PLCH2: variants seen among roughly 807,000 people sequenced by gnomAD.
The protein encoded by PLCH2 is 1-phosphatidylinositol 4,5-bisphosphate phosphodiesterase eta-2.
PLCH2 carries 98 observed loss-of-function variants against 134.7 expected under a neutral mutation model. That is an observed-to-expected ratio of 0.73 (90% confidence interval 0.62 to 0.86). The LOEUF is 0.86. PLCH2 is among the 40% of genes least tolerant of loss of function. The pLI, the probability that PLCH2 is intolerant of heterozygous loss-of-function variation, is 0.00. For missense variants in PLCH2, 1,994 were observed against 1,986.6 expected, an observed-to-expected ratio of 1.00 and a Z score of -0.07; for synonymous variants, 974 against 827.5, an observed-to-expected ratio of 1.18 and a Z score of -3.04.
the PLCH2 span, among the ~76,000 whole-genome samples, chr1:2,416,412 C>T: frequency 1.3e-5 from 2 of 149,636 alleles, no homozygotes; most frequent in South Asian, 2.1e-4. Flanking sequence ...CTGTAGGGTG[C>T]GGCCCTCGGG....
the PLCH2 span, among the ~76,000 whole-genome samples, chr1:2,420,163 C>A: frequency 6.6e-6 from 1 of 152,094 alleles, no homozygotes; most frequent in African/African-American, 2.4e-5. Context: ...GCCCCCCGCC[C>A]CAGCCCCTAC....
At chr1:2,459,314 T>C (rs1362663333) in intron 2 of PLCH2, among the ~76,000 whole-genome samples, 5 of 141,810 alleles carry the variant, frequency 3.5e-5, no homozygotes, top group African/African-American at 1.5e-4. Flanking sequence ...TCCTCCTTCC[T>C]GGTGGTCCTC....
chr1:2,491,098 G>T (rs1642551885), intron 10 of PLCH2, 94 bp from the exon 11 acceptor site: 10 of 1,249,188 alleles, frequency 8.0e-6, no homozygotes, highest in Non-Finnish European at 1.1e-5. Context: ...CCTGAGCCTG[G>T]GGTGGGCAGA....
chr1:2,461,905 T>G (rs903021420), intron 2 of PLCH2, among the ~76,000 whole-genome samples: 1 of 151,960 alleles, frequency 6.6e-6, no homozygotes. Flanking sequence ...TCCCTGGCCA[T>G]CCACCCGGGA....
chr1:2,496,740 G>A (rs760622429), intron 14 of PLCH2, 36 bp downstream of exon 14: 1 of 1,609,478 alleles, frequency 6.2e-7, no homozygotes, highest in Non-Finnish European at 8.5e-7. Context: ...ACGGGCGGAG[G>A]CCTCCCTGTC....
chr1:2,461,633 A>G (rs532674246), intron 2 of PLCH2, among the ~76,000 whole-genome samples: 1 of 152,192 alleles, frequency 6.6e-6, no homozygotes, highest in East Asian at 1.9e-4. Flanking sequence ...GGGGACAGTG[A>G]CGCCCACTGG....
At chr1:2,446,633 G>A (rs1402031361) in intron 2 of PLCH2, among the ~76,000 whole-genome samples, 1 of 152,260 alleles carries the variant, frequency 6.6e-6, no homozygotes, top group Non-Finnish European at 1.5e-5. Context: ...CCAGCCGGGA[G>A]AACAGCTTTT....
At chr1:2,424,812 C>T (rs1018962055), upstream of PLCH2, among the ~76,000 whole-genome samples, 4 of 152,158 alleles carry the variant, frequency 2.6e-5, no homozygotes, top group Non-Finnish European at 4.4e-5. Flanking sequence ...ACAGTGAAAC[C>T]CTGTCTCTAC....
At chr1:2,427,865 C>G (rs1184211191) in intron 1 of PLCH2, among the ~76,000 whole-genome samples, 3 of 152,138 alleles carry the variant, frequency 2.0e-5, no homozygotes, top group African/African-American at 7.2e-5. Context: ...TGGCCCTGAG[C>G]AGGTACCTGG....
rs372926780 is a variant in PLCH2 at position 2,484,477 on chromosome 1, G to A, written c.675G>A (p.Thr225=). 8.7e-6 allele frequency: 14 copies of A among 1,613,170 alleles called. No homozygotes were observed. Among genetic ancestry groups the A allele is most frequent in the African/African-American group, 6.7e-5 (5 of 74,884 alleles). Residue 225 remains threonine (T), a synonymous_variant, in exon 5 of 22, where the codon ACG becomes ACA. Coordinates refer to ENST00000378486, the MANE Select transcript of PLCH2 (RefSeq NM_014638.4). ...READTDDHQG[T]LGFEEFCAFY... is the part of the protein sequence containing the mutation. ...CGGACACGGATGACCACCAAGGGACGCTGGGTTTTGAAGAGTTCTGTGCCT... is the reference window on the plus strand; with the variant it reads ...CGGACACGGATGACCACCAAGGGACACTGGGTTTTGAAGAGTTCTGTGCCT...
chr1:2,453,485 G>A (rs977702858), intron 2 of PLCH2, among the ~76,000 whole-genome samples: 6 of 152,302 alleles, frequency 3.9e-5, no homozygotes, highest in South Asian at 2.1e-4. Context: ...CACTGGCCCC[G>A]GAATGCTGAC....
At chr1:2,489,480 A>G (rs1238261710) in intron 9 of PLCH2, 102 bp downstream of exon 9, 1 of 1,252,768 alleles carries the variant, frequency 8.0e-7, no homozygotes. Context: ...ATCCATGGGC[A>G]TATCTAGGGG....
chr1:2,496,528 C>A, intron 13 of PLCH2, 79 bp from the exon 14 acceptor site: 2 of 1,182,834 alleles, frequency 1.7e-6, no homozygotes, highest in South Asian at 1.3e-5. Context: ...GCTGCCCGAG[C>A]CCTGGAGCCC....
chr1:2,484,355 G>A lies in PLCH2; in HGVS notation c.646-93G>A, dbSNP rs898423376. 3.9e-6 allele frequency: 5 copies of A among 1,274,702 alleles called. No individual in the cohort carries two copies. The African/African-American group carries it at 5.9e-5, about 15-fold the overall frequency. The allele number at this position is 1,274,702 out of a possible 1,614,324, so 79.0% of individuals were successfully genotyped here. On this transcript the variant is annotated intron_variant, in intron 4 of 21. Transcript: ENST00000378486. ...TAGAGGAGGGTGGGCTTGCATGTTGGTCTTGACTGGGGAGTGGGGTGGTCC... is the reference window on the plus strand; with the variant it reads ...TAGAGGAGGGTGGGCTTGCATGTTGATCTTGACTGGGGAGTGGGGTGGTCC...
intron 5 of PLCH2, 121 bp downstream of exon 5, chr1:2,484,739 A>G (rs1642200733): frequency 4.6e-6 from 5 of 1,085,656 alleles, no homozygotes; most frequent in South Asian, 1.6e-5. Context: ...ATCCCAGGCC[A>G]GGGATGGGCT....
In PLCH2 at chr1:2,444,368, A is replaced by G. The variant is rs1372508152; in HGVS notation, c.115+13739A>G. Among the ~76,000 whole-genome samples, 1 of 152,122 alleles carries G rather than the reference A, an allele frequency of 6.6e-6. No homozygotes were observed. The highest frequency in any genetic ancestry group is 1.5e-5 in the Non-Finnish European group (1 of 68,010). On this transcript the variant is annotated intron_variant, in intron 2 of 3. Coordinates refer to the PLCH2 transcript ENST00000609981. This position sits in a 1 kb window ranked among gnomAD's most constrained non-coding sequence, Gnocchi z 4.6. ...TGTGGGTCCGGGAGGTGCTGCGTGGACTTGCCGCATGGCACATCTGCCTGG... is the reference window on the plus strand; with the variant it reads ...TGTGGGTCCGGGAGGTGCTGCGTGGGCTTGCCGCATGGCACATCTGCCTGG...
Position 2,503,633 on chromosome 1 carries a change from G to T in PLCH2, c.2960-289G>T, listed in dbSNP as rs138561253. On this transcript the variant is annotated intron_variant, in intron 21 of 21. Transcript: ENST00000378486. ...CCTCCGTAGTTAGGAACTGAGAGCGGCGAGTGACAGGTAACGGGGCCCAGC... is the reference window on the plus strand; with the variant it reads ...CCTCCGTAGTTAGGAACTGAGAGCGTCGAGTGACAGGTAACGGGGCCCAGC... 3.2e-4 allele frequency: 222 copies of T among 698,060 alleles called. 2 individuals carry two copies. The East Asian group carries it at 5.9e-3, about 18-fold the overall frequency. 43.2% of individuals were successfully genotyped at this position (698,060 alleles called of 1,614,324 possible).
Position 2,476,877 on chromosome 1 carries a change from G to A in PLCH2, c.124+165G>A, listed in dbSNP as rs554223671. On this transcript the variant is annotated intron_variant, in intron 1 of 21. Transcript: ENST00000378486. ...CTAGGGATCATGTGGGTCCAGCAGC[G>A]TCGGCTGGCCCTGCCCCTCAGCCGC... Among the ~76,000 whole-genome samples, 133 of 152,270 alleles carry A rather than the reference G, an allele frequency of 8.7e-4. 1 individual carries two copies. Among genetic ancestry groups the A allele is most frequent in the East Asian group, 5.8e-4 (3 of 5,172 alleles).
upstream of PLCH2, among the ~76,000 whole-genome samples, chr1:2,474,979 G>C (rs1032370674): frequency 2.6e-5 from 4 of 152,202 alleles, no homozygotes; most frequent in African/African-American, 9.6e-5. Context: ...GCAGCTCATG[G>C]CTCCCTAATC....
Sources: allele counts gnomAD v4.1 joint callset (sites outside exome capture counted in the v4.1 genomes callset), GRCh38; gene constraint gnomAD v4.1.1; non-coding constraint Gnocchi (gnomAD v3.1); transcripts MANE v1.5; gene names NCBI Gene and HGNC (gene_info 2026-07-23, HGNC 2026-07-21).